The following NEUROD4 variants were observed in gnomAD, a reference collection of about 807,000 sequenced individuals.
The protein encoded by NEUROD4 is neuronal differentiation 4, also known as neurogenic differentiation factor 4.
Under a neutral mutation model 19.8 loss-of-function variants are expected in NEUROD4, and 16 were observed. The ratio of observed to expected loss-of-function variants is 0.81; its 90% CI spans 0.55 to 1.23. The LOEUF (loss-of-function observed/expected upper bound fraction) is 1.23, where lower values mean the gene tolerates loss of function less well. NEUROD4 is among the 50% of genes most tolerant of loss of function. NEUROD4 has a pLI of 0.00. For synonymous variants in NEUROD4, 153 were observed against 147.9 expected, an observed-to-expected ratio of 1.03 and a Z score of -0.25; for missense variants, 439 against 398.6, an observed-to-expected ratio of 1.10 and a Z score of -0.86.
chr12:55,021,926 T>G (rs934519213), intron 1 of NEUROD4, among the ~76,000 whole-genome samples: 3 of 152,276 alleles, frequency 2.0e-5, no homozygotes, highest in Admixed American at 1.3e-4. Flanking sequence ...TCCTATGTAA[T>G]TTGTGAGCTA....
In NEUROD4 at chr12:55,027,135, G is replaced by A. The variant is rs769231012; in HGVS notation, c.696G>A (p.Leu232=). 3 of 1,614,162 alleles carry A rather than the reference G, an allele frequency of 1.9e-6. No homozygotes were observed. Among genetic ancestry groups the A allele is most frequent in the Middle Eastern group, 1.6e-4 (1 of 6,062 alleles). Residue 232 remains leucine (L), a synonymous_variant, in exon 2 of 2, where the codon TTG becomes TTA. Coordinates refer to ENST00000242994, the MANE Select transcript of NEUROD4 (RefSeq NM_021191.3). ...TCAAGCCCCAAGTATTCAAGAGTTT[G>A]GGAGAATCGTCCTTTGGGAGCCATC... The part of the protein sequence containing the change: ...LHLKPQVFKS[L]GESSFGSHLP...
intron 1 of NEUROD4, among the ~76,000 whole-genome samples, chr12:55,020,618 C>A (rs1952668016): frequency 6.6e-6 from 1 of 152,186 alleles, no homozygotes; most frequent in South Asian, 2.1e-4. Flanking sequence ...GCCACTCTTT[C>A]ATTTTGTTAG....
intron 1 of NEUROD4, among the ~76,000 whole-genome samples, chr12:55,022,080 T>C (rs1952677001): frequency 6.6e-6 from 1 of 152,182 alleles, no homozygotes; most frequent in African/African-American, 2.4e-5. Context: ...GTACTTGTGC[T>C]TGCATTATCT....
rs1952771116 is a variant in NEUROD4 at position 55,029,653 on chromosome 12, C to T, written c.*2218C>T. ...GGGAAAGGAAAAAATAGAGAATTAC[C>T]TCTGTGATAATTTTTATAAAAAGCA... On this transcript the variant is annotated 3_prime_UTR_variant, in exon 2 of 2. Coordinates refer to ENST00000242994, the MANE Select transcript of NEUROD4 (RefSeq NM_021191.3). 6.0e-6 allele frequency: 1 copy of T among 166,978 alleles called. No individual in the cohort carries two copies. Among genetic ancestry groups the T allele is most frequent in the Non-Finnish European group, 1.5e-5 (1 of 68,088 alleles). The allele number at this position is 166,978 out of a possible 1,614,324, so 10.3% of individuals were successfully genotyped here. A position where few individuals can be genotyped will look rare whatever the true frequency, so the allele number is the denominator to read the frequency against.
At position 55,026,422 on chromosome 12, in the gene NEUROD4, C is replaced by T. The variant is rs1952729244; in HGVS notation, c.-9-9C>T. Reference sequence around the variant, plus strand: ...ACAGGAATTAACCTTTGATATTTCCCTTTTCCAGAGTCTGGAAATGTCAAA... The same window carrying T: ...ACAGGAATTAACCTTTGATATTTCCTTTTTCCAGAGTCTGGAAATGTCAAA... On this transcript the variant is annotated splice_polypyrimidine_tract_variant and intron_variant, in intron 1 of 1. Transcript: ENST00000242994. 1.3e-6 allele frequency: 2 copies of T among 1,573,400 alleles called. No individual in the cohort carries two copies. The highest frequency in any genetic ancestry group is 2.8e-5 in the African/African-American group (2 of 72,696).
Position 55,026,897 on chromosome 12 carries a change from G to C in NEUROD4, c.458G>C (p.Gly153Ala). 6.2e-7 allele frequency: 1 copy of C among 1,614,124 alleles called. No individual in the cohort carries two copies. Among genetic ancestry groups the C allele is most frequent in the Non-Finnish European group, 8.5e-7 (1 of 1,180,010 alleles). ...LETGQTPEGK[G>A]FVEMLCKGLS... ...ACTGGCCAGACACCTGAAGGGAAAG[G>C]CTTTGTGGAGATGCTGTGTAAAGGG... The change falls in exon 2 of 2, where the codon GGC becomes GCC. Residue 153 changes from glycine to alanine, a missense_variant. Physicochemically the swap from Gly to Ala is moderately conservative, Grantham distance 60. Transcript: ENST00000242994.
In NEUROD4 at chr12:55,026,554, G is replaced by A; in HGVS notation, c.115G>A (p.Gly39Ser). Residue 39 changes from glycine to serine, a missense_variant, in exon 2 of 2, where the codon GGT becomes AGT. Gly to Ser is a moderately conservative substitution (Grantham distance 56, BLOSUM62 0). Coordinates refer to ENST00000242994, the MANE Select transcript of NEUROD4 (RefSeq NM_021191.3). Reference sequence around the variant, plus strand: ...GGTGAAGGAGGAAGAGAGCAGACCAGGTACTTATGGGATGCTCAGCAGCTT... The same window carrying A: ...GGTGAAGGAGGAAGAGAGCAGACCAAGTACTTATGGGATGCTCAGCAGCTT... ...NEVKEEESRP[G>S]TYGMLSSLTE... 1 of 1,614,002 alleles carries A rather than the reference G, an allele frequency of 6.2e-7. No homozygotes were observed. Among genetic ancestry groups the A allele is most frequent in the South Asian group, 1.1e-5 (1 of 91,062 alleles).
chr12:55,030,016 G>C lies in NEUROD4; in HGVS notation c.*2581G>C, dbSNP rs1176132757. On this transcript the variant is annotated 3_prime_UTR_variant, in exon 2 of 2. Coordinates refer to ENST00000242994, the MANE Select transcript of NEUROD4 (RefSeq NM_021191.3). The stretch of plus-strand genomic sequence containing the variant: ...AGAAATAAAGCTGTAAGTCTTATTA[G>C]ATGTTGTGTTGTGCTGTGTTGTTAG... The C allele has an allele frequency of 1.2e-5, 2 of 160,622 alleles. No homozygotes were observed. The highest frequency in any genetic ancestry group is 4.8e-5 in the African/African-American group (2 of 41,422). The allele number at this position is 160,622 out of a possible 1,614,324, so 9.9% of individuals were successfully genotyped here.
At position 55,027,143 on chromosome 12, in the gene NEUROD4, C is replaced by T. The variant is rs1241017522; in HGVS notation, c.704C>T (p.Ser235Leu). 12 of 1,614,034 alleles carry T rather than the reference C, an allele frequency of 7.4e-6. No individual in the cohort carries two copies. Among genetic ancestry groups the T allele is most frequent in the Admixed American group, 3.3e-5 (2 of 59,994 alleles). ...CAAGTATTCAAGAGTTTGGGAGAAT[C>T]GTCCTTTGGGAGCCATCTGCCTGAC... ...KPQVFKSLGESSFGSHLPDCS... is the reference protein window; with the variant it reads ...KPQVFKSLGELSFGSHLPDCS... The change falls in exon 2 of 2, where the codon TCG becomes TTG. Residue 235 changes from serine (S) to leucine (L), a missense_variant. Coordinates refer to ENST00000242994, the MANE Select transcript of NEUROD4 (RefSeq NM_021191.3).
intron 1 of NEUROD4, among the ~76,000 whole-genome samples, chr12:55,023,040 A>G (rs1309629380): frequency 6.6e-6 from 1 of 152,142 alleles, no homozygotes. Flanking sequence ...AACTCATTTT[A>G]TGCTCCTAAT....
chr12:55,022,991 C>T (rs906725458), intron 1 of NEUROD4, among the ~76,000 whole-genome samples: 6 of 152,070 alleles, frequency 3.9e-5, no homozygotes, highest in African/African-American at 1.2e-4. Flanking sequence ...ACATGAAATT[C>T]ATGTTGTATG....
In NEUROD4 at chr12:55,026,886, T is replaced by G. The variant is rs780005800; in HGVS notation, c.447T>G (p.Pro149=). The part of the protein sequence containing the change: ...LSEVLETGQT[P]EGKGFVEMLC... ...AAGTCCTGGAGACTGGCCAGACACC[T>G]GAAGGGAAAGGCTTTGTGGAGATGC... Residue 149 remains proline, a synonymous_variant, in exon 2 of 2, where the codon CCT becomes CCG. Transcript: ENST00000242994. 4.0e-5 allele frequency: 65 copies of G among 1,613,986 alleles called. 1 individual carries two copies. In the East Asian group the frequency reaches 1.4e-3, roughly 35 times the overall value.
intron 1 of NEUROD4, among the ~76,000 whole-genome samples, chr12:55,025,319 G>GTCC (rs1172870161): frequency 2.6e-5 from 4 of 152,028 alleles, no homozygotes; most frequent in Admixed American, 2.6e-4. Context: ...GCCTGAAATA[G>GTCC]TCCTCACTTG....
At chr12:55,022,056 A>G (rs528224911) in intron 1 of NEUROD4, among the ~76,000 whole-genome samples, 3 of 152,294 alleles carry the variant, frequency 2.0e-5, no homozygotes, top group South Asian at 2.1e-4. Context: ...ACATTGGCAT[A>G]ACAATTTTAC....
chr12:55,023,798 C>G (rs748756019), intron 1 of NEUROD4, among the ~76,000 whole-genome samples: 1 of 152,170 alleles, frequency 6.6e-6, no homozygotes, highest in Non-Finnish European at 1.5e-5. Context: ...TGATTCTTTT[C>G]CTTTATACCC....
intron 1 of NEUROD4, among the ~76,000 whole-genome samples, chr12:55,022,033 A>G (rs1952676738): frequency 6.6e-6 from 1 of 152,178 alleles, no homozygotes; most frequent in African/African-American, 2.4e-5. Flanking sequence ...CTGTAAAACA[A>G]TTGCCAACCC....
intron 1 of NEUROD4, among the ~76,000 whole-genome samples, chr12:55,023,260 A>G (rs1162158546): frequency 6.6e-6 from 1 of 152,106 alleles, no homozygotes; most frequent in African/African-American, 2.4e-5. Context: ...GATTTTCTAA[A>G]CCAATCAGAG....
Position 55,027,343 on chromosome 12 carries a change from A to C in NEUROD4, c.904A>C (p.Thr302Pro), listed in dbSNP as rs201995432. Reference sequence around the variant, plus strand: ...GCATTCAACTCCTTTTCAGGCTGGTACCCCCCGTTATGATGTTCCTATAGA... The same window carrying C: ...GCATTCAACTCCTTTTCAGGCTGGTCCCCCCCGTTATGATGTTCCTATAGA... ...HVHSTPFQAG[T>P]PRYDVPIDMS... The change falls in exon 2 of 2, where the codon ACC becomes CCC. Residue 302 changes from threonine to proline, a missense_variant. Transcript: ENST00000242994. 13 of 1,613,734 alleles carry C rather than the reference A, an allele frequency of 8.1e-6. No individual in the cohort carries two copies. Among genetic ancestry groups the C allele is most frequent in the African/African-American group, 2.7e-5 (2 of 74,812 alleles).
rs1027759551 is a variant in NEUROD4 at position 55,028,476 on chromosome 12, C to T, written c.*1041C>T. ...TAGTTCAGGGACTCTCTCCAGCTCACAGTTGCCCATGGGAAAAACCAATGG... is the reference window on the plus strand; with the variant it reads ...TAGTTCAGGGACTCTCTCCAGCTCATAGTTGCCCATGGGAAAAACCAATGG... On this transcript the variant is annotated 3_prime_UTR_variant, in exon 2 of 2. Coordinates refer to ENST00000242994, the MANE Select transcript of NEUROD4 (RefSeq NM_021191.3). 1.2e-5 allele frequency: 2 copies of T among 167,030 alleles called. No homozygotes were observed. Among genetic ancestry groups the T allele is most frequent in the African/African-American group, 4.8e-5 (2 of 41,442 alleles). 10.3% of individuals were successfully genotyped at this position (167,030 alleles called of 1,614,324 possible). A position where few individuals can be genotyped will look rare whatever the true frequency, so the allele number is the denominator to read the frequency against.
Sources: allele counts gnomAD v4.1 joint callset (sites outside exome capture counted in the v4.1 genomes callset), GRCh38; gene constraint gnomAD v4.1.1; transcripts MANE v1.5; gene names NCBI Gene and HGNC (gene_info 2026-07-23, HGNC 2026-07-21).